TNFRSF8: variants seen among roughly 807,000 people sequenced by gnomAD.
TNFRSF8 encodes the protein tumor necrosis factor receptor superfamily member 8.
Under a neutral mutation model 70.8 loss-of-function variants are expected in TNFRSF8, and 26 were observed. The ratio of observed to expected loss-of-function variants is 0.37; its 90% CI spans 0.27 to 0.51. The LOEUF is 0.51. Among genes scored for constraint, TNFRSF8 ranks in the 20% least tolerant of loss-of-function variants. The pLI, the probability that TNFRSF8 is intolerant of heterozygous loss-of-function variation, is 0.94. For missense variants in TNFRSF8, 720 were observed against 807.9 expected (o/e 0.89, Z 1.32); for synonymous variants, 356 against 339.2 (o/e 1.05, Z -0.54).
intron 13 of TNFRSF8, 128 bp downstream of exon 13, chr1:12,135,741 C>T: frequency 7.7e-7 from 1 of 1,303,186 alleles, no homozygotes. Context: ...CCATTCCCCT[C>T]CCACAGTGCC....
Position 12,141,624 on chromosome 1 carries a change from G to A in TNFRSF8, c.1544-663G>A, listed in dbSNP as rs930497470. Among the ~76,000 whole-genome samples the A allele has an allele frequency of 2.0e-5, 3 of 152,242 alleles. No homozygotes were observed. The highest frequency in any genetic ancestry group is 2.0e-4 in the Admixed American group (3 of 15,282). The stretch of plus-strand genomic sequence containing the variant: ...GTTTTCTGCAGGATGTGACAGGCTG[G>A]CTGAGTTTGCCCGGACCGAGGGGAC... On this transcript the variant is annotated intron_variant, in intron 14 of 14. Coordinates refer to ENST00000263932, the MANE Select transcript of TNFRSF8 (RefSeq NM_001243.5). The surrounding 1 kb of genome is among the most constrained non-coding windows in gnomAD (Gnocchi z 5.4).
chr1:12,104,332 A>G, intron 3 of TNFRSF8, 47 bp from the exon 4 acceptor site: 1 of 1,609,888 alleles, frequency 6.2e-7, no homozygotes. Context: ...ATCTGGAGAG[A>G]CGCCTTCCTT....
chr1:12,090,794 G>A (rs1183493736), intron 2 of TNFRSF8, among the ~76,000 whole-genome samples: 5 of 152,292 alleles, frequency 3.3e-5, no homozygotes, highest in Admixed American at 6.5e-5. Context: ...AAAAGGGGGT[G>A]CCATAGTTTG....
rs1025645112 is a variant in TNFRSF8, at chr1:12,141,642, G to A, written c.1544-645G>A. Among the ~76,000 whole-genome samples the A allele has an allele frequency of 8.5e-5, 13 of 152,218 alleles. No individual in the cohort carries two copies. The highest frequency in any genetic ancestry group is 3.9e-4 in the Admixed American group (6 of 15,286). The stretch of plus-strand genomic sequence containing the variant: ...CAGGCTGGCTGAGTTTGCCCGGACC[G>A]AGGGGACTCCCAGGACACGGGACTT... On this transcript the variant is annotated intron_variant, in intron 14 of 14. Coordinates refer to ENST00000263932, the MANE Select transcript of TNFRSF8 (RefSeq NM_001243.5). The surrounding 1 kb of genome is among the most constrained non-coding windows in gnomAD (Gnocchi z 5.4).
chr1:12,090,155 C>G (rs1641223159), intron 2 of TNFRSF8, among the ~76,000 whole-genome samples: 1 of 143,916 alleles, frequency 6.9e-6, no homozygotes, highest in African/African-American at 2.6e-5. Flanking sequence ...CATCTATCTA[C>G]CCATCCAACC....
intron 11 of TNFRSF8, 55 bp downstream of exon 11, chr1:12,126,107 T>C (rs1641934653): frequency 6.2e-7 from 1 of 1,612,918 alleles, no homozygotes; most frequent in Admixed American, 1.7e-5. Context: ...TCTGCCAGCC[T>C]GGCCTGGGTT....
At chr1:12,090,119 TATCCACCCATCC>T (rs1641222579) in intron 2 of TNFRSF8, among the ~76,000 whole-genome samples, 1 of 132,820 alleles carries the variant, frequency 7.5e-6, no homozygotes, top group Non-Finnish European at 1.6e-5. Context: ...TCCACCCATC[TATCCACCCATCC>T]ACCTTTCCCC....
At chr1:12,101,773 GC>G (rs1641427652) in intron 3 of TNFRSF8, among the ~76,000 whole-genome samples, 1 of 152,142 alleles carries the variant, frequency 6.6e-6, no homozygotes, top group Admixed American at 6.5e-5. Context: ...CTGGGTTCAA[GC>G]GATTCTCCTG....
intron 10 of TNFRSF8, among the ~76,000 whole-genome samples, chr1:12,124,862 A>G (rs1394311328): frequency 6.7e-6 from 1 of 148,360 alleles, no homozygotes; most frequent in Non-Finnish European, 1.5e-5. Flanking sequence ...ACAAAACAAA[A>G]CAAAACAAAA....
At position 12,113,553 on chromosome 1, in the gene TNFRSF8, GAGAA is replaced by G. The variant is rs1641669941; in HGVS notation, c.793+1543_793+1546del. On this transcript the variant is annotated intron_variant, in intron 7 of 14. Transcript: ENST00000263932. The surrounding 1 kb of genome is among the most constrained non-coding windows in gnomAD (Gnocchi z 4.9). ...AAAGAGGGAGAGAAAGAGTGAGAGA[GAGAA>G]AGAGAGAGACAGAGAGAAAGAGACA... Among the ~76,000 whole-genome samples, 1 of 151,382 alleles carries G rather than the reference GAGAA, an allele frequency of 6.6e-6. No homozygotes were observed. Among genetic ancestry groups the G allele is most frequent in the African/African-American group, 2.4e-5 (1 of 41,158 alleles).
chr1:12,104,945 A>T (rs985386660), intron 4 of TNFRSF8, among the ~76,000 whole-genome samples: 1 of 152,216 alleles, frequency 6.6e-6, no homozygotes, highest in Non-Finnish European at 1.5e-5. Flanking sequence ...CCCCAGGCTC[A>T]AGACTTGAGA....
rs1390438071 is a variant in TNFRSF8, at chr1:12,081,836, C to T, written c.64-2628C>T. ...TCCTGGGGAAAAGTGGCTTCTGCTT[C>T]CTTCCCTAAACCAAGAAAGCCCCAC... On this transcript the variant is annotated intron_variant, in intron 1 of 14. Transcript: ENST00000263932. Among the ~76,000 whole-genome samples the T allele has an allele frequency of 2.6e-5, 4 of 152,264 alleles. No individual in the cohort carries two copies. In the East Asian group the frequency reaches 7.7e-4, roughly 29 times the overall value.
chr1:12,092,008 G>A (rs1214972238), intron 2 of TNFRSF8, among the ~76,000 whole-genome samples: 2 of 152,196 alleles, frequency 1.3e-5, no homozygotes, highest in Non-Finnish European at 2.9e-5. Flanking sequence ...ACCTCCTGCT[G>A]TGTGGCCCCG....
intron 4 of TNFRSF8, among the ~76,000 whole-genome samples, chr1:12,105,573 T>TCACA (rs34007480): frequency 0.77 from 114,117 of 147,352 alleles, 45,787 homozygotes; most frequent in East Asian, 0.9. Flanking sequence ...TCTCTCTGTC[T>TCACA]CACACACACA....
intron 3 of TNFRSF8, 46 bp downstream of exon 3, chr1:12,097,263 A>AG (rs781245655): frequency 7.0e-7 from 1 of 1,437,008 alleles, no homozygotes; most frequent in East Asian, 2.3e-5. Flanking sequence ...AGGGAGCATG[A>AG]GGGGTCCTCA....
At chr1:12,080,097 C>T (rs538847506) in intron 1 of TNFRSF8, among the ~76,000 whole-genome samples, 2 of 152,040 alleles carry the variant, frequency 1.3e-5, no homozygotes, top group South Asian at 4.2e-4. Flanking sequence ...TACAGGCATG[C>T]ACCACCATGC....
At chr1:12,106,333 T>C (rs1035223871) in intron 4 of TNFRSF8, among the ~76,000 whole-genome samples, 4 of 152,090 alleles carry the variant, frequency 2.6e-5, no homozygotes, top group African/African-American at 9.7e-5. Context: ...CCCATTCACT[T>C]AGTCAAATCC....
In TNFRSF8 at chr1:12,104,420, C is replaced by A. The variant is rs1557589433; in HGVS notation, c.310C>A (p.Arg104Ser). The change falls in exon 4 of 15, where the codon CGT (arginine) becomes AGT (serine). Residue 104 changes from arginine (R) to serine (S), a missense_variant. Physicochemically the swap from Arg to Ser is moderately radical, Grantham distance 110. Transcript: ENST00000263932. Reference sequence around the variant, plus strand: ...GACGCCGTGTGCATGGAACTCCTCCCGTGTCTGCGAATGTCGACCCGGCAT... The same window carrying A: ...GACGCCGTGTGCATGGAACTCCTCCAGTGTCTGCGAATGTCGACCCGGCAT... The part of the protein sequence containing the change: ...EKTPCAWNSS[R>S]VCECRPGMFC... 1.2e-6 allele frequency: 2 copies of A among 1,614,036 alleles called. No homozygotes were observed. Among genetic ancestry groups the A allele is most frequent in the Non-Finnish European group, 1.7e-6 (2 of 1,180,040 alleles).
intron 2 of TNFRSF8, among the ~76,000 whole-genome samples, chr1:12,087,837 G>C (rs1043746693): frequency 6.6e-6 from 1 of 152,146 alleles, no homozygotes. Flanking sequence ...TGTGACTTAG[G>C]AAGAGGGGGC....
Sources: gnomAD v4.1 joint callset for allele counts (sites outside exome capture counted in the v4.1 genomes callset) on GRCh38, gnomAD v4.1.1 for gene constraint, Gnocchi (gnomAD v3.1) non-coding constraint, MANE v1.5 for transcripts, NCBI Gene and HGNC (gene_info 2026-07-23, HGNC 2026-07-21) for gene names.